MCC: variants seen among roughly 807,000 people sequenced by gnomAD.
MCC encodes MCC regulator of Wnt signaling pathway.
In MCC, 90 loss-of-function variants were observed where a neutral mutation model predicts 116.2. The observed-to-expected ratio is 0.77, with a 90% CI of 0.65 to 0.92. The LOEUF is 0.92. Among genes scored for constraint, MCC ranks in the 40% least tolerant of loss-of-function variants. The pLI, the probability that MCC is intolerant of heterozygous loss-of-function variation, is 0.00. For synonymous variants in MCC, 578 were observed against 510.5 expected (o/e 1.13, Z -1.78); for missense variants, 1,516 against 1,312.2 (o/e 1.16, Z -2.40).
intron 14 of MCC, among the ~76,000 whole-genome samples, chr5:113,054,633 G>A (rs1257843379): frequency 6.6e-6 from 1 of 152,216 alleles, no homozygotes; most frequent in East Asian, 1.9e-4. Flanking sequence ...ACACAGGGGT[G>A]CACAACACAG....
intron 1 of MCC, among the ~76,000 whole-genome samples, chr5:113,399,564 T>C (rs1045285300): frequency 2.0e-5 from 3 of 152,086 alleles, no homozygotes; most frequent in Admixed American, 2.0e-4. Flanking sequence ...ATAAGGAAAA[T>C]AGAAGCTTTT....
intron 1 of MCC, among the ~76,000 whole-genome samples, chr5:113,418,883 C>G (rs191073927): frequency 6.6e-6 from 1 of 152,182 alleles, no homozygotes; most frequent in Non-Finnish European, 1.5e-5. Flanking sequence ...CATCAAGCAG[C>G]ACCGCATCAC....
intron 18 of MCC, among the ~76,000 whole-genome samples, chr5:113,027,754 G>A (rs1750662328): frequency 6.6e-6 from 1 of 152,114 alleles, no homozygotes; most frequent in South Asian, 2.1e-4. Context: ...GGTTCTAAGA[G>A]TCAAACCAGC....
At chr5:113,406,128 A>C (rs967950601) in intron 1 of MCC, among the ~76,000 whole-genome samples, 6 of 152,236 alleles carry the variant, frequency 3.9e-5, no homozygotes, top group African/African-American at 1.4e-4. Flanking sequence ...ACTTGTTAAA[A>C]GCCTTACTTC....
At chr5:113,069,738 T>C (rs972529128) in intron 12 of MCC, among the ~76,000 whole-genome samples, 4 of 152,148 alleles carry the variant, frequency 2.6e-5, no homozygotes, top group Non-Finnish European at 4.4e-5. Context: ...TCCACCACCA[T>C]GCCTGGCTAA....
rs147726732 is a variant in MCC, at chr5:113,114,568, C to T, written c.1027+8116G>A. 1.2e-3 allele frequency among the ~76,000 whole-genome samples: 182 copies of T among 152,306 alleles called. 1 individual carries two copies. Among genetic ancestry groups the T allele is most frequent in the African/African-American group, 4.2e-3 (176 of 41,566 alleles). ...AAATGCTGCCTTTTCAAAAATCACC[C>T]ATGGCCTACCCCGCCCCCCATCCTA... On this transcript the variant is annotated intron_variant, in intron 6 of 18. Coordinates refer to ENST00000408903, the MANE Select transcript of MCC (RefSeq NM_001085377.2).
intron 1 of MCC, among the ~76,000 whole-genome samples, chr5:113,450,490 T>A (rs1382990558): frequency 6.6e-6 from 1 of 152,114 alleles, no homozygotes; most frequent in Non-Finnish European, 1.5e-5. Flanking sequence ...TGAACAGAAA[T>A]GTGTGCGAAC....
chr5:113,057,006 G>A (rs928111448), intron 14 of MCC, among the ~76,000 whole-genome samples: 8 of 152,194 alleles, frequency 5.3e-5, no homozygotes, highest in Middle Eastern at 3.2e-3. Flanking sequence ...GGGAAGGCCT[G>A]TGTGATCCAG....
intron 1 of MCC, among the ~76,000 whole-genome samples, chr5:113,462,918 C>T (rs750976021): frequency 2.0e-5 from 3 of 152,260 alleles, no homozygotes; most frequent in East Asian, 3.9e-4. Flanking sequence ...TATTAACCAA[C>T]AATTCCCACG....
At chr5:113,094,147 C>T (rs1037089949) in intron 8 of MCC, among the ~76,000 whole-genome samples, 1 of 152,146 alleles carries the variant, frequency 6.6e-6, no homozygotes, top group Non-Finnish European at 1.5e-5. Context: ...CTCAAATAAT[C>T]AGAATCTATT....
chr5:113,031,309 C>T (rs954659704), intron 17 of MCC, among the ~76,000 whole-genome samples: 1 of 152,122 alleles, frequency 6.6e-6, no homozygotes. Flanking sequence ...GCCTCCAGGA[C>T]ATCTCGGATC....
chr5:113,130,119 A>T (rs1758334872), intron 5 of MCC, among the ~76,000 whole-genome samples: 1 of 152,268 alleles, frequency 6.6e-6, no homozygotes. Context: ...GATAAAAAAA[A>T]TGTGGCACAT....
chr5:113,407,936 C>A (rs1224413668), intron 1 of MCC, among the ~76,000 whole-genome samples: 2 of 152,192 alleles, frequency 1.3e-5, no homozygotes, highest in African/African-American at 4.8e-5. Context: ...AGCCCAGACA[C>A]TGAGTTACTG....
chr5:113,368,163 TG>T (rs1394631328), intron 2 of MCC, among the ~76,000 whole-genome samples: 1 of 152,264 alleles, frequency 6.6e-6, no homozygotes, highest in Non-Finnish European at 1.5e-5. Flanking sequence ...AATTTTGCGT[TG>T]GTCACTTAAC....
chr5:113,147,031 G>C (rs1160614548), intron 4 of MCC, among the ~76,000 whole-genome samples: 1 of 152,168 alleles, frequency 6.6e-6, no homozygotes, highest in Admixed American at 6.5e-5. Flanking sequence ...AAAAATGATT[G>C]ACATTGGATA....
chr5:113,222,117 T>A (rs1763573509), intron 3 of MCC, among the ~76,000 whole-genome samples: 1 of 152,240 alleles, frequency 6.6e-6, no homozygotes, highest in African/African-American at 2.4e-5. Context: ...TTTGAGGGTT[T>A]TAATTTTAAA....
At chr5:113,078,971 C>A (rs1023980062) in intron 11 of MCC, among the ~76,000 whole-genome samples, 37 of 152,158 alleles carry the variant, frequency 2.4e-4, no homozygotes, top group Non-Finnish European at 5.0e-4. Context: ...TCTCAGGATA[C>A]AAAATCAACC....
chr5:113,190,367 C>G (rs896897265), intron 3 of MCC, among the ~76,000 whole-genome samples: 1 of 152,154 alleles, frequency 6.6e-6, no homozygotes, highest in Non-Finnish European at 1.5e-5. Context: ...TTCCCTAGAT[C>G]CAGGCTCTCT....
At chr5:113,369,297 G>C (rs895947006) in intron 2 of MCC, among the ~76,000 whole-genome samples, 1 of 152,134 alleles carries the variant, frequency 6.6e-6, no homozygotes, top group African/African-American at 2.4e-5. Flanking sequence ...CTACCTAGGG[G>C]CTGCCAACCA....
Sources: gnomAD v4.1 joint callset for allele counts (sites outside exome capture counted in the v4.1 genomes callset) on GRCh38, gnomAD v4.1.1 for gene constraint, MANE v1.5 for transcripts, NCBI Gene and HGNC (gene_info 2026-07-23, HGNC 2026-07-21) for gene names.